Variants in WDR35 observed in about 807,000 individuals in gnomAD.
WDR35 encodes the protein WD repeat domain 35.
Under a neutral mutation model 158.3 loss-of-function variants are expected in WDR35, and 118 were observed. The ratio of observed to expected loss-of-function variants is 0.75; its 90% CI spans 0.64 to 0.87. The LOEUF (loss-of-function observed/expected upper bound fraction) is 0.87. Ranked by LOEUF, WDR35 falls within the 40% of genes least tolerant of loss-of-function variation. WDR35 has a pLI of 0.00. For synonymous variants in WDR35, 448 were observed against 476.1 expected (o/e 0.94, Z 0.77); for missense variants, 1,263 against 1,405.8 (o/e 0.90, Z 1.62).
At chr2:19,931,209 C>CTTTTTT in intron 24 of WDR35, 60 bp downstream of exon 24, 1 of 1,225,640 alleles carries the variant, frequency 8.2e-7, no homozygotes, top group Non-Finnish European at 1.1e-6. Flanking sequence ...TTAATAGTTT[C>CTTTTTT]TTTTTTTTTT....
chr2:19,933,388 T>G lies in WDR35; in HGVS notation c.2658+13A>C, dbSNP rs1331268617. 1.2e-6 allele frequency: 2 copies of G among 1,606,022 alleles called. No homozygotes were observed. Among genetic ancestry groups the G allele is most frequent in the Admixed American group, 1.7e-5 (1 of 59,936 alleles). ...GACAATAAGCTGCACAGACAGAAAG[T>G]TTCAGTTCCTACTTGGTTGAGATGT... On this transcript the variant is annotated intron_variant, in intron 22 of 26. Transcript: ENST00000281405.
At chr2:19,935,426 T>G in intron 21 of WDR35, 45 bp downstream of exon 21, 1 of 1,604,430 alleles carries the variant, frequency 6.2e-7, no homozygotes, top group Non-Finnish European at 8.5e-7. Context: ...TAAAATTTTA[T>G]AAAGTAACCT....
chr2:19,947,573 A>C (rs1309361007), intron 14 of WDR35, among the ~76,000 whole-genome samples: 2 of 152,226 alleles, frequency 1.3e-5, no homozygotes, highest in Non-Finnish European at 1.5e-5. Context: ...TGAAAAATTC[A>C]GCTGAAATTT....
chr2:19,957,489 C>G (rs1671484188), intron 11 of WDR35, among the ~76,000 whole-genome samples: 1 of 151,836 alleles, frequency 6.6e-6, no homozygotes, highest in African/African-American at 2.4e-5. Context: ...TGAAGGCCCT[C>G]CATGCCCTTT....
intron 25 of WDR35, 139 bp downstream of exon 25, chr2:19,930,257 A>G (rs1038673195): frequency 2.3e-6 from 3 of 1,300,494 alleles, no homozygotes; most frequent in Admixed American, 1.8e-5. Context: ...ATGGGAATGC[A>G]TAAGACTCAA....
chr2:19,913,522 C>T lies in WDR35; in HGVS notation c.*36G>A, dbSNP rs777244201. On this transcript the variant is annotated 3_prime_UTR_variant, in exon 27 of 27. Transcript: ENST00000281405. ...AGCATATAGCCATGTATATATGCTACATATATTTTACAGTTATATACAGTT... is the reference window on the plus strand; with the variant it reads ...AGCATATAGCCATGTATATATGCTATATATATTTTACAGTTATATACAGTT... The T allele has an allele frequency of 1.9e-5, 30 of 1,608,026 alleles. No individual in the cohort carries two copies. The highest frequency in any genetic ancestry group is 2.3e-5 in the Non-Finnish European group (27 of 1,174,698).
intron 12 of WDR35, among the ~76,000 whole-genome samples, chr2:19,952,784 T>TTC (rs1671283450): frequency 4.3e-5 from 6 of 138,000 alleles, no homozygotes; most frequent in African/African-American, 1.6e-4. Flanking sequence ...CAACATACTT[T>TTC]TTTTTTTTTT....
chr2:19,914,144 G>A lies in WDR35; in HGVS notation c.3255C>T (p.Thr1085=). Reference sequence around the variant, plus strand: ...ACTGCTGTTTCTGTTCTGAACTGAGGGTCTCTAAAGATTTAAGTTTAATGA... The same window carrying A: ...ACTGCTGTTTCTGTTCTGAACTGAGAGTCTCTAAAGATTTAAGTTTAATGA... The part of the protein sequence containing the change: ...KAFIKLKSLE[T]LSSEQKQQYE... The change falls in exon 26 of 27, where the codon ACC becomes ACT. Residue 1085 remains threonine (T), a synonymous_variant. Transcript: ENST00000281405. 4.3e-6 allele frequency: 7 copies of A among 1,614,094 alleles called. No homozygotes were observed. The highest frequency in any genetic ancestry group is 5.9e-6 in the Non-Finnish European group (7 of 1,180,000).
intron 14 of WDR35, among the ~76,000 whole-genome samples, chr2:19,947,371 T>A (rs553288433): frequency 1.3e-5 from 2 of 152,320 alleles, no homozygotes; most frequent in South Asian, 2.1e-4. Context: ...CTTAAGATTT[T>A]TCCCCCCATA....
intron 5 of WDR35, among the ~76,000 whole-genome samples, chr2:19,977,870 T>C (rs1672261194): frequency 6.6e-6 from 1 of 152,180 alleles, no homozygotes; most frequent in Non-Finnish European, 1.5e-5. Context: ...GCAACTCCTC[T>C]GGACCTCCTC....
At chr2:19,972,380 GT>G (rs1366215128) in intron 8 of WDR35, among the ~76,000 whole-genome samples, 1 of 152,140 alleles carries the variant, frequency 6.6e-6, no homozygotes, top group African/African-American at 2.4e-5. Flanking sequence ...TAGAACCCAT[GT>G]TTTTCTACCT....
At chr2:19,921,322 G>A (rs879389334) in intron 25 of WDR35, among the ~76,000 whole-genome samples, 3 of 151,964 alleles carry the variant, frequency 2.0e-5, no homozygotes, top group African/African-American at 4.8e-5. Flanking sequence ...AACTGACTAC[G>A]AACTATACTA....
chr2:19,974,683 T>C, intron 6 of WDR35, 50 bp from the exon 7 acceptor site: 1 of 1,532,452 alleles, frequency 6.5e-7, no homozygotes, highest in South Asian at 1.2e-5. Context: ...AACACAGCAG[T>C]ATAGAGACAA....
At chr2:19,940,200 A>G (rs1256051496) in intron 17 of WDR35, among the ~76,000 whole-genome samples, 1 of 151,002 alleles carries the variant, frequency 6.6e-6, no homozygotes, top group Non-Finnish European at 1.5e-5. Flanking sequence ...AAAAAAAAAA[A>G]AAAAAAAACA....
Position 19,913,352 on chromosome 2 carries a change from T to A in WDR35, c.*206A>T. The stretch of plus-strand genomic sequence containing the variant: ...GAAAACATGGTTGATTTTCATACAT[T>A]TATATGAAAATCGGCCTTATTATTT... On this transcript the variant is annotated 3_prime_UTR_variant, in exon 27 of 27. Coordinates refer to ENST00000281405, the MANE Select transcript of WDR35 (RefSeq NM_020779.4). The A allele has an allele frequency of 2.0e-6, 1 of 509,680 alleles. No homozygotes were observed. Among genetic ancestry groups the A allele is most frequent in the Non-Finnish European group, 3.4e-6 (1 of 297,182 alleles). The allele number at this position is 509,680 out of a possible 1,614,324, so 31.6% of individuals were successfully genotyped here. A position where few individuals can be genotyped will look rare whatever the true frequency, so the allele number is the denominator to read the frequency against.
Position 19,937,901 on chromosome 2 carries a change from A to T in WDR35, c.2109T>A (p.Thr703=). The part of the protein sequence containing the change: ...EAALQKLDLY[T]AEQAFVRCKD... ...TGCAGCGCACAAATGCTTGCTCTGC[A>T]GTGTATAGATCCAGTTTCTGAAGAG... Residue 703 remains threonine, a synonymous_variant, in exon 19 of 27, where the codon ACT becomes ACA. Coordinates refer to ENST00000281405, the MANE Select transcript of WDR35 (RefSeq NM_020779.4). 1 of 1,614,164 alleles carries T rather than the reference A, an allele frequency of 6.2e-7. No homozygotes were observed. Among genetic ancestry groups the T allele is most frequent in the Non-Finnish European group, 8.5e-7 (1 of 1,180,022 alleles).
chr2:19,943,689 G>A (rs899233901), intron 16 of WDR35, among the ~76,000 whole-genome samples: 5 of 152,022 alleles, frequency 3.3e-5, no homozygotes, highest in African/African-American at 1.2e-4. Flanking sequence ...TGAAATTGTA[G>A]TGCCAATGAG....
chr2:19,930,274 GA>G, intron 25 of WDR35, 121 bp downstream of exon 25: 1 of 1,448,018 alleles, frequency 6.9e-7, no homozygotes, highest in Admixed American at 1.7e-5. Context: ...TCAAACATAG[GA>G]AAATAAATCC....
At chr2:19,972,226 A>G (rs28477921) in intron 8 of WDR35, among the ~76,000 whole-genome samples, 16,182 of 152,272 alleles carry the variant, frequency 0.11, 951 homozygotes, top group South Asian at 0.2. Context: ...ATAATTCCCC[A>G]TATATTCACT....
Sources: allele counts gnomAD v4.1 joint callset (sites outside exome capture counted in the v4.1 genomes callset), GRCh38; gene constraint gnomAD v4.1.1; transcripts MANE v1.5; gene names NCBI Gene and HGNC (gene_info 2026-07-23, HGNC 2026-07-21).